Variants in PGK2 observed in about 807,000 individuals in gnomAD.
PGK2 encodes the protein phosphoglycerate kinase 2.
In PGK2, 5 loss-of-function variants were observed where a neutral mutation model predicts 5.2. That is an observed-to-expected ratio of 0.96 (90% CI 0.50 to 2.01). The LOEUF is 2.01. Among genes scored for constraint, PGK2 ranks in the 30% most tolerant of loss-of-function variants. The pLI is 0.01. For missense variants in PGK2, 588 were observed against 506.8 expected (o/e 1.16, Z -1.54); for synonymous variants, 210 against 182.6 (o/e 1.15, Z -1.21).
Position 49,786,736 on chromosome 6 carries a change from C to G in PGK2, c.452G>C (p.Arg151Pro). ...GTCCCCTAGCTTGGAAAGTGATGCT[C>G]GGAAGGCTTCTATTTTATCTGGCTC... ...KAEPDKIEAF[R>P]ASLSKLGDVY... Residue 151 changes from arginine to proline, a missense_variant, in exon 1 of 1, where the codon CGA becomes CCA. Physicochemically the swap from Arg to Pro is moderately radical, Grantham distance 103. Transcript: ENST00000304801. The G allele has an allele frequency of 3.7e-6, 6 of 1,614,038 alleles. No individual in the cohort carries two copies. Among genetic ancestry groups the G allele is most frequent in the Non-Finnish European group, 5.1e-6 (6 of 1,179,988 alleles).
rs868846676 is a variant in PGK2, at chr6:49,787,120, A to G, written c.68T>C (p.Val23Ala). The change falls in exon 1 of 1, where the codon GTA (valine) becomes GCA (alanine). Residue 23 changes from valine (V) to alanine (A), a missense_variant. Physicochemically the swap from Val to Ala is moderately conservative, Grantham distance 64. Coordinates refer to ENST00000304801, the MANE Select transcript of PGK2 (RefSeq NM_138733.5). ...DVRGKRVIMRVDFNVPMKKNQ... is the reference protein window; with the variant it reads ...DVRGKRVIMRADFNVPMKKNQ... ...CTTCTTCATGGGAACATTGAAGTCT[A>G]CTCTCATGATGACTCGCTTCCCTCT... The G allele has an allele frequency of 1.2e-6, 2 of 1,613,076 alleles. No homozygotes were observed. The highest frequency in any genetic ancestry group is 1.3e-5 in the African/African-American group (1 of 74,924).
In PGK2 at chr6:49,786,428, C is replaced by G; in HGVS notation, c.760G>C (p.Gly254Arg). Residue 254 changes from glycine to arginine, a missense_variant, in exon 1 of 1, where the codon GGT becomes CGT. By Grantham distance (125) the Gly-to-Arg change is moderately radical. Transcript: ENST00000304801. ...CCCTCTTCATCAAACAGGGAAGCAC[C>G]AATCTCCATGTTGTTGAGTACCTTA... ...FLKVLNNMEI[G>R]ASLFDEEGAK... The G allele has an allele frequency of 6.2e-7, 1 of 1,614,100 alleles. No homozygotes were observed. Among genetic ancestry groups the G allele is most frequent in the African/African-American group, 1.3e-5 (1 of 75,020 alleles).
chr6:49,785,979 C>T lies in PGK2; in HGVS notation c.1209G>A (p.Leu403=). 1 of 1,614,050 alleles carries T rather than the reference C, an allele frequency of 6.2e-7. No individual in the cohort carries two copies. Among genetic ancestry groups the T allele is most frequent in the Non-Finnish European group, 8.5e-7 (1 of 1,179,958 alleles). Residue 403 remains leucine (L), a synonymous_variant, in exon 1 of 1, where the codon CTG becomes CTA. Transcript: ENST00000304801. ...CTACTCCAGGAAGGATTTTACCTTC[C>T]AGAAGCTCTAGACTGGCACCGCCTC... The part of the protein sequence containing the change: ...STGGGASLEL[L]EGKILPGVEA...
rs372554221 is a variant in PGK2 at position 49,786,629 on chromosome 6, C to A, written c.559G>T (p.Gly187Ter). ...VGVNLPHKAS[G>*]FLMKKELDYF... ...TCTAGTTCCTTCTTCATCAAGAATC[C>A]GGATGCTTTATGGGGCAGATTCACT... Residue 187 changes from glycine (G) to a stop codon, truncating the protein, a stop_gained, in exon 1 of 1, where the codon GGA becomes TGA. Transcript: ENST00000304801. LOFTEE classifies it low-confidence loss of function (END_TRUNC). The A allele has an allele frequency of 1.9e-6, 3 of 1,614,048 alleles. No homozygotes were observed. The highest frequency in any genetic ancestry group is 2.5e-6 in the Non-Finnish European group (3 of 1,180,004).
Position 49,786,412 on chromosome 6 carries a change from TCAAACAGGGAAGCACCAATCTC to T in PGK2, c.754_775del (p.Glu252MetfsTer20). 1.2e-6 allele frequency: 2 copies of T among 1,614,034 alleles called. No individual in the cohort carries two copies. The highest frequency in any genetic ancestry group is 1.7e-6 in the Non-Finnish European group (2 of 1,179,916). ...TTTAACGATCTTGGCTCCCTCTTCA[TCAAACAGGGAAGCACCAATCTC>T]CATGTTGTTGAGTACCTTAAGGAAG... On this transcript the variant is annotated frameshift_variant, in exon 1 of 1. Coordinates refer to ENST00000304801, the MANE Select transcript of PGK2 (RefSeq NM_138733.5). LOFTEE classifies it low-confidence loss of function (END_TRUNC).
rs1769921299 is a variant in PGK2 at position 49,786,906 on chromosome 6, C to G, written c.282G>C (p.Leu94=). 1 of 1,613,944 alleles carries G rather than the reference C, an allele frequency of 6.2e-7. No individual in the cohort carries two copies. Among genetic ancestry groups the G allele is most frequent in the South Asian group, 1.1e-5 (1 of 91,082 alleles). ...CTGCGCCTACACAGTCCTTCAGGAA[C>G]AGAACATCCTTGCCCAGCAAGGATT... The part of the protein sequence containing the change: ...ELKSLLGKDV[L]FLKDCVGAEV... Residue 94 remains leucine, a synonymous_variant, in exon 1 of 1, where the codon CTG becomes CTC. Coordinates refer to ENST00000304801, the MANE Select transcript of PGK2 (RefSeq NM_138733.5).
Position 49,786,420 on chromosome 6 carries a change from G to C in PGK2, c.768C>G (p.Ser256=). The C allele has an allele frequency of 6.2e-7, 1 of 1,614,042 alleles. No homozygotes were observed. Among genetic ancestry groups the C allele is most frequent in the Non-Finnish European group, 8.5e-7 (1 of 1,180,000 alleles). The change falls in exon 1 of 1, where the codon TCC becomes TCG. Residue 256 remains serine (S), a synonymous_variant. Coordinates refer to ENST00000304801, the MANE Select transcript of PGK2 (RefSeq NM_138733.5). ...TCTTGGCTCCCTCTTCATCAAACAG[G>C]GAAGCACCAATCTCCATGTTGTTGA... is the stretch of plus-strand genomic sequence containing the variant. The part of the protein sequence containing the change: ...KVLNNMEIGA[S]LFDEEGAKIV...
Position 49,786,535 on chromosome 6 carries a change from G to A in PGK2, c.653C>T (p.Ala218Val). 1.9e-6 allele frequency: 3 copies of A among 1,614,090 alleles called. No homozygotes were observed. Among genetic ancestry groups the A allele is most frequent in the Non-Finnish European group, 2.5e-6 (3 of 1,179,990 alleles). ...ATTTTTGATAAGTTGGATCTTGTCTGCCACTTTGGCTCCACCAAGTATAGC... is the reference window on the plus strand; with the variant it reads ...ATTTTTGATAAGTTGGATCTTGTCTACCACTTTGGCTCCACCAAGTATAGC... ...FLAILGGAKV[A>V]DKIQLIKNML... The change falls in exon 1 of 1, where the codon GCA becomes GTA. Residue 218 changes from alanine (A) to valine (V), a missense_variant. Physicochemically the swap from Ala to Val is moderately conservative, Grantham distance 64. Coordinates refer to ENST00000304801, the MANE Select transcript of PGK2 (RefSeq NM_138733.5).
chr6:49,786,357 A>G lies in PGK2; in HGVS notation c.831T>C (p.Gly277=). The change falls in exon 1 of 1, where the codon GGT becomes GGC. Residue 277 remains glycine (G), a synonymous_variant. Transcript: ENST00000304801. ...AATCAACAGGAAAAGTAATCCTTAC[A>G]CCATTCTTTTGTGCTTTGGCCATGA... ...KDIMAKAQKN[G]VRITFPVDFV... The G allele has an allele frequency of 6.2e-7, 1 of 1,614,134 alleles. No individual in the cohort carries two copies. Among genetic ancestry groups the G allele is most frequent in the Non-Finnish European group, 8.5e-7 (1 of 1,180,022 alleles).
Position 49,786,680 on chromosome 6 carries a change from G to A in PGK2, c.508C>T (p.His170Tyr), listed in dbSNP as rs749442894. 9.3e-6 allele frequency: 15 copies of A among 1,613,990 alleles called. No individual in the cohort carries two copies. The highest frequency in any genetic ancestry group is 1.3e-5 in the Non-Finnish European group (15 of 1,180,022). ...VYVNDAFGTAHRAHSSMVGVN... is the reference protein window; with the variant it reads ...VYVNDAFGTAYRAHSSMVGVN... Reference sequence around the variant, plus strand: ...CCCACCATGGAACTATGAGCGCGGTGTGCAGTGCCAAAAGCATCATTGACA... The same window carrying A: ...CCCACCATGGAACTATGAGCGCGGTATGCAGTGCCAAAAGCATCATTGACA... The change falls in exon 1 of 1, where the codon CAC (histidine) becomes TAC (tyrosine). Residue 170 changes from histidine (H) to tyrosine (Y), a missense_variant. Coordinates refer to ENST00000304801, the MANE Select transcript of PGK2 (RefSeq NM_138733.5).
Position 49,786,446 on chromosome 6 carries a change from G to A in PGK2, c.742C>T (p.Leu248Phe), listed in dbSNP as rs539689076. The change falls in exon 1 of 1, where the codon CTC becomes TTC. Residue 248 changes from leucine to phenylalanine, a missense_variant. By Grantham distance (22) the Leu-to-Phe change is conservative. Transcript: ENST00000304801. ...GAAGCACCAATCTCCATGTTGTTGA[G>A]TACCTTAAGGAAGGTATAAGCCATT... Reference protein sequence around the residue: ...GGMAYTFLKVLNNMEIGASLF... With the variant: ...GGMAYTFLKVFNNMEIGASLF... 5 of 1,614,110 alleles carry A rather than the reference G, an allele frequency of 3.1e-6. No homozygotes were observed. Among genetic ancestry groups the A allele is most frequent in the East Asian group, 2.2e-5 (1 of 44,882 alleles).
chr6:49,786,029 C>G lies in PGK2; in HGVS notation c.1159G>C (p.Asp387His). The part of the protein sequence containing the change: ...ATCCAKWNTE[D>H]KVSHVSTGGG... ...CCAGTGCTGACATGGCTGACTTTAT[C>G]TTCAGTGTTCCATTTGGCACAGCAA... is the stretch of plus-strand genomic sequence containing the variant. Residue 387 changes from aspartate to histidine, a missense_variant, in exon 1 of 1, where the codon GAT (aspartate) becomes CAT (histidine). Physicochemically the swap from Asp to His is moderately conservative, Grantham distance 81 (BLOSUM62 -1). Coordinates refer to ENST00000304801, the MANE Select transcript of PGK2 (RefSeq NM_138733.5). 1 of 1,614,150 alleles carries G rather than the reference C, an allele frequency of 6.2e-7. No individual in the cohort carries two copies. The highest frequency in any genetic ancestry group is 8.5e-7 in the Non-Finnish European group (1 of 1,180,000).
chr6:49,786,818 A>G lies in PGK2; in HGVS notation c.370T>C (p.Phe124Leu). Residue 124 changes from phenylalanine (F) to leucine (L), a missense_variant, in exon 1 of 1, where the codon TTT becomes CTT. Phe to Leu is a conservative substitution (Grantham distance 22). Transcript: ENST00000304801. Reference sequence around the variant, plus strand: ...CCCTTCCCTTCTTCCTCCACATGAAAGCGCAGGTTCTCCAGCAGGATGACT... The same window carrying G: ...CCCTTCCCTTCTTCCTCCACATGAAGGCGCAGGTTCTCCAGCAGGATGACT... Reference protein sequence around the residue: ...GSVILLENLRFHVEEEGKGQD... With the variant: ...GSVILLENLRLHVEEEGKGQD... 6.2e-7 allele frequency: 1 copy of G among 1,614,106 alleles called. No homozygotes were observed. Among genetic ancestry groups the G allele is most frequent in the Non-Finnish European group, 8.5e-7 (1 of 1,180,010 alleles).
Position 49,787,090 on chromosome 6 carries a change from T to A in PGK2, c.98A>T (p.Gln33Leu), listed in dbSNP as rs776198787. The A allele has an allele frequency of 5.6e-6, 9 of 1,613,970 alleles. No homozygotes were observed. The change falls in exon 1 of 1, where the codon CAG (glutamine) becomes CTG (leucine). Residue 33 changes from glutamine to leucine, a missense_variant. By Grantham distance (113) the Gln-to-Leu change is moderately radical (BLOSUM62 -2). Transcript: ENST00000304801. ...CTTGATCCTCTGGTTGTTTGTAATC[T>A]GGTTCTTCTTCATGGGAACATTGAA... ...VDFNVPMKKN[Q>L]ITNNQRIKAS...
Position 49,786,087 on chromosome 6 carries a change from G to A in PGK2, c.1101C>T (p.Cys367=). The A allele has an allele frequency of 1.2e-6, 2 of 1,614,112 alleles. No homozygotes were observed. The highest frequency in any genetic ancestry group is 2.2e-5 in the South Asian group (2 of 91,090). Residue 367 remains cysteine, a synonymous_variant, in exon 1 of 1, where the codon TGC becomes TGT. Coordinates refer to ENST00000304801, the MANE Select transcript of PGK2 (RefSeq NM_138733.5). ...DEIVKATSKG[C]ITVIGGGDTA... is the part of the protein sequence containing the mutation. ...TGTCTCCACCCCCTATAACAGTGAT[G>A]CAGCCCTTGGAAGTGGCTTTCACAA...
rs1359960955 is a variant in PGK2 at position 49,786,062 on chromosome 6, T to C, written c.1126A>G (p.Thr376Ala). 4 of 1,614,174 alleles carry C rather than the reference T, an allele frequency of 2.5e-6. No individual in the cohort carries two copies. The highest frequency in any genetic ancestry group is 3.4e-6 in the Non-Finnish European group (4 of 1,180,030). ...TTCCATTTGGCACAGCAAGTAGCAGTGTCTCCACCCCCTATAACAGTGATG... is the reference window on the plus strand; with the variant it reads ...TTCCATTTGGCACAGCAAGTAGCAGCGTCTCCACCCCCTATAACAGTGATG... ...GCITVIGGGD[T>A]ATCCAKWNTE... Residue 376 changes from threonine (T) to alanine (A), a missense_variant, in exon 1 of 1, where the codon ACT (threonine) becomes GCT (alanine). Coordinates refer to ENST00000304801, the MANE Select transcript of PGK2 (RefSeq NM_138733.5).
chr6:49,785,706 A>G lies in PGK2; in HGVS notation c.*228T>C, dbSNP rs930707503. On this transcript the variant is annotated 3_prime_UTR_variant, in exon 1 of 1. Transcript: ENST00000304801. ...GGCAACTTAAGAATATGTCCTCCCTAGATAGCACAATGGTGAAGTTCAAAT... is the reference window on the plus strand; with the variant it reads ...GGCAACTTAAGAATATGTCCTCCCTGGATAGCACAATGGTGAAGTTCAAAT... 3.7e-6 allele frequency: 2 copies of G among 537,174 alleles called. No individual in the cohort carries two copies. The highest frequency in any genetic ancestry group is 3.8e-5 in the African/African-American group (2 of 53,122). 33.3% of individuals were successfully genotyped at this position (537,174 alleles called of 1,614,324 possible). A position where few individuals can be genotyped will look rare whatever the true frequency, so the allele number is the denominator to read the frequency against.
Position 49,786,123 on chromosome 6 carries a change from G to C in PGK2, c.1065C>G (p.Leu355=). ...WDAFAKGTKA[L]MDEIVKATSK... ...AAGTGGCTTTCACAATTTCATCCAT[G>C]AGGGCTTTGGTTCCCTTAGCAAAGG... Residue 355 remains leucine, a synonymous_variant, in exon 1 of 1, where the codon CTC becomes CTG. Coordinates refer to ENST00000304801, the MANE Select transcript of PGK2 (RefSeq NM_138733.5). The C allele has an allele frequency of 6.2e-7, 1 of 1,614,048 alleles. No individual in the cohort carries two copies. The highest frequency in any genetic ancestry group is 8.5e-7 in the Non-Finnish European group (1 of 1,180,002).
chr6:49,785,894 G>T lies in PGK2; in HGVS notation c.*40C>A. 1 of 1,527,412 alleles carries T rather than the reference G, an allele frequency of 6.5e-7. No homozygotes were observed. Among genetic ancestry groups the T allele is most frequent in the East Asian group, 2.3e-5 (1 of 44,330 alleles). 94.6% of individuals were successfully genotyped at this position (1,527,412 alleles called of 1,614,324 possible). A position where few individuals can be genotyped will look rare whatever the true frequency, so the allele number is the denominator to read the frequency against. ...TGTAAAAGCATTAAGCTGACTTAAG[G>T]GCCATGGACAGAAAACAGAAGGAAG... On this transcript the variant is annotated 3_prime_UTR_variant, in exon 1 of 1. Transcript: ENST00000304801.
Sources: allele counts gnomAD v4.1 joint callset, GRCh38; gene constraint gnomAD v4.1.1; transcripts MANE v1.5; gene names NCBI Gene and HGNC (gene_info 2026-07-23, HGNC 2026-07-21).